The following RNF217 variants were observed in gnomAD, a reference collection of about 807,000 sequenced individuals.
The protein encoded by RNF217 is E3 ubiquitin-protein ligase RNF217.
In RNF217, 31 loss-of-function variants were observed where a neutral mutation model predicts 57.8. The observed-to-expected ratio is 0.54, with a 90% CI of 0.40 to 0.72. RNF217 has a LOEUF of 0.72. Among genes scored for constraint, RNF217 ranks in the 30% least tolerant of loss-of-function variants. The pLI, the probability that RNF217 is intolerant of heterozygous loss-of-function variation, is 0.00. For missense variants in RNF217, 696 were observed against 708.3 expected (o/e 0.98, Z 0.20); for synonymous variants, 313 against 294.0 (o/e 1.06, Z -0.66).
chr6:124,986,747 G>A (rs1278226401), intron 1 of RNF217, among the ~76,000 whole-genome samples: 1 of 152,034 alleles, frequency 6.6e-6, no homozygotes, highest in African/African-American at 2.4e-5. Context: ...TATTATGTAG[G>A]TACTTGTAAT....
chr6:124,987,338 CCCT>C (rs1199576949), intron 1 of RNF217, among the ~76,000 whole-genome samples: 1 of 152,012 alleles, frequency 6.6e-6, no homozygotes, highest in Non-Finnish European at 1.5e-5. Flanking sequence ...TTTTTATTCC[CCCT>C]AAGAGAAATC....
chr6:125,009,367 C>G, intron 1 of RNF217: 1 of 865,630 alleles, frequency 1.2e-6, no homozygotes, highest in Non-Finnish European at 1.9e-6. Flanking sequence ...GTGAAGCCCT[C>G]TCACAGACAT....
At chr6:125,080,537 TTC>T (rs1788535976) in intron 4 of RNF217, among the ~76,000 whole-genome samples, 1 of 152,218 alleles carries the variant, frequency 6.6e-6, no homozygotes, top group African/African-American at 2.4e-5. Flanking sequence ...ACTGCAAAGT[TTC>T]TCTCTTTCTC....
At chr6:124,984,942 A>G (rs1304015482) in intron 1 of RNF217, among the ~76,000 whole-genome samples, 1 of 152,232 alleles carries the variant, frequency 6.6e-6, no homozygotes, top group Admixed American at 6.5e-5. Flanking sequence ...GTTATTATCC[A>G]TAGTATATAC....
intron 1 of RNF217, among the ~76,000 whole-genome samples, chr6:124,998,641 A>G (rs1444157955): frequency 6.6e-6 from 1 of 152,166 alleles, no homozygotes; most frequent in Non-Finnish European, 1.5e-5. Flanking sequence ...CTAACTAAAA[A>G]TACAAAAAAC....
intron 1 of RNF217, among the ~76,000 whole-genome samples, chr6:125,008,573 T>C (rs1785284930): frequency 6.6e-6 from 1 of 152,144 alleles, no homozygotes; most frequent in Non-Finnish European, 1.5e-5. Context: ...TGATGAAAAG[T>C]CTTGTGCCCT....
intron 1 of RNF217, among the ~76,000 whole-genome samples, chr6:124,989,125 T>C (rs911428298): frequency 1.3e-5 from 2 of 152,078 alleles, no homozygotes; most frequent in Non-Finnish European, 2.9e-5. Flanking sequence ...CATGTTTACA[T>C]TTTGTGAAGT....
At chr6:125,059,981 T>C (rs866327284) in intron 3 of RNF217, among the ~76,000 whole-genome samples, 1 of 152,210 alleles carries the variant, frequency 6.6e-6, no homozygotes. Flanking sequence ...TCATATTTTA[T>C]GATGTGTTTG....
intron 1 of RNF217, among the ~76,000 whole-genome samples, chr6:124,978,963 G>T (rs1045643647): frequency 6.6e-6 from 1 of 152,198 alleles, no homozygotes; most frequent in African/African-American, 2.4e-5. Flanking sequence ...ATGGGGGAAT[G>T]CAAGCTGATT....
chr6:125,037,944 G>C (rs1458972932), intron 1 of RNF217, among the ~76,000 whole-genome samples: 1 of 152,118 alleles, frequency 6.6e-6, no homozygotes, highest in Non-Finnish European at 1.5e-5. Flanking sequence ...TTGATAAATT[G>C]AGCAATGAGG....
chr6:125,056,909 T>C (rs573744083), intron 2 of RNF217, among the ~76,000 whole-genome samples: 2 of 152,290 alleles, frequency 1.3e-5, no homozygotes, highest in East Asian at 1.9e-4. Flanking sequence ...ATCCTCCATG[T>C]CAAGTGGAAG....
intron 1 of RNF217, among the ~76,000 whole-genome samples, chr6:124,964,134 C>T (rs751209054): frequency 6.6e-6 from 1 of 152,184 alleles, no homozygotes; most frequent in East Asian, 1.9e-4. Context: ...TCTTGGAAAG[C>T]TTGAGAGTGC....
intron 3 of RNF217, among the ~76,000 whole-genome samples, chr6:125,069,746 A>G (rs1481426487): frequency 6.6e-6 from 1 of 152,196 alleles, no homozygotes; most frequent in Non-Finnish European, 1.5e-5. Flanking sequence ...GAACTAATCC[A>G]CATTCCCAGC....
intron 1 of RNF217, among the ~76,000 whole-genome samples, chr6:125,044,560 A>G (rs1238094771): frequency 1.3e-5 from 2 of 152,036 alleles, no homozygotes; most frequent in Non-Finnish European, 2.9e-5. Flanking sequence ...AGTAGCAGCC[A>G]GATTTCATAA....
intron 2 of RNF217, among the ~76,000 whole-genome samples, chr6:125,055,563 A>G (rs903922790): frequency 2.0e-5 from 3 of 152,226 alleles, no homozygotes; most frequent in African/African-American, 4.8e-5. Flanking sequence ...GCATCTTTAC[A>G]TTCATTCTAA....
intron 1 of RNF217, among the ~76,000 whole-genome samples, chr6:125,038,460 T>C (rs2114504172): frequency 6.6e-6 from 1 of 152,262 alleles, no homozygotes; most frequent in East Asian, 1.9e-4. Context: ...TCTGGTATTT[T>C]CTTCAAAATA....
rs529421459 is a variant in RNF217, at chr6:125,011,693, C to G, written c.883-33518C>G. 3.9e-5 allele frequency among the ~76,000 whole-genome samples: 6 copies of G among 152,204 alleles called. No individual in the cohort carries two copies. The South Asian group carries it at 1.2e-3, about 32-fold the overall frequency. On this transcript the variant is annotated intron_variant, in intron 1 of 5. Coordinates refer to ENST00000521654, the MANE Select transcript of RNF217 (RefSeq NM_001286398.3). The stretch of plus-strand genomic sequence containing the variant: ...GAGTGTCAGGTTCTAAAAAAGTCAC[C>G]TTTAATTTTTTTAAAAATGATTTAC...
intron 3 of RNF217, among the ~76,000 whole-genome samples, chr6:125,074,448 A>C (rs1414063555): frequency 1.3e-5 from 2 of 152,160 alleles, no homozygotes; most frequent in Non-Finnish European, 2.9e-5. Context: ...AAGCAGCCTC[A>C]TGAGTTCTTT....
chr6:124,965,721 C>T (rs1175722732), intron 1 of RNF217, among the ~76,000 whole-genome samples: 1 of 152,200 alleles, frequency 6.6e-6, no homozygotes, highest in Non-Finnish European at 1.5e-5. Context: ...TATCTGCTCA[C>T]TGCACTCCTT....
Sources: allele counts gnomAD v4.1 joint callset (sites outside exome capture counted in the v4.1 genomes callset), GRCh38; gene constraint gnomAD v4.1.1; transcripts MANE v1.5; gene names NCBI Gene and HGNC (gene_info 2026-07-23, HGNC 2026-07-21).